Variants in CALD1 observed in about 807,000 individuals in gnomAD.
CALD1 encodes caldesmon.
In CALD1, 33 loss-of-function variants were observed where a neutral mutation model predicts 99.9. The ratio of observed to expected loss-of-function variants is 0.33; its 90% confidence interval spans 0.25 to 0.44. CALD1 has a LOEUF of 0.44. Among genes scored for constraint, CALD1 ranks in the 20% least tolerant of loss-of-function variants. CALD1 has a pLI of 1.00. For missense variants in CALD1, 861 were observed against 962.1 expected (o/e 0.89, Z 1.39); for synonymous variants, 310 against 325.0 (o/e 0.95, Z 0.50).
intron 1 of CALD1, among the ~76,000 whole-genome samples, chr7:134,785,341 T>C (rs567964351): frequency 2.8e-4 from 43 of 152,324 alleles, no homozygotes; most frequent in African/African-American, 1.0e-3. Flanking sequence ...ATATTATTGT[T>C]GGCAAGAAAC....
chr7:134,822,554 T>G (rs539554823), intron 1 of CALD1, among the ~76,000 whole-genome samples: 1 of 152,334 alleles, frequency 6.6e-6, no homozygotes, highest in Admixed American at 6.5e-5. Flanking sequence ...TATGCATTTG[T>G]TAAAAAAATA....
At chr7:134,770,907 C>T (rs1259783186) in intron 1 of CALD1, among the ~76,000 whole-genome samples, 1 of 152,232 alleles carries the variant, frequency 6.6e-6, no homozygotes, top group East Asian at 1.9e-4. Context: ...TCAAGTCCGC[C>T]TACTTAGAGT....
intron 3 of CALD1, among the ~76,000 whole-genome samples, chr7:134,912,672 C>T (rs887113881): frequency 1.3e-5 from 2 of 152,142 alleles, no homozygotes; most frequent in African/African-American, 2.4e-5. Flanking sequence ...CCTATCAAGA[C>T]TATCATATCT....
intron 5 of CALD1, among the ~76,000 whole-genome samples, chr7:134,935,167 G>A (rs1805863681): frequency 6.6e-6 from 1 of 152,028 alleles, no homozygotes; most frequent in Non-Finnish European, 1.5e-5. Flanking sequence ...TAGTAGGGGG[G>A]AAATGTTTGT....
intron 1 of CALD1, among the ~76,000 whole-genome samples, chr7:134,786,230 C>G (rs1797299786): frequency 1.3e-5 from 2 of 152,268 alleles, no homozygotes; most frequent in South Asian, 2.1e-4. Context: ...GCAAGCTACT[C>G]TGAGTAAATA....
chr7:134,759,608 T>C (rs74964067), intron 1 of CALD1, among the ~76,000 whole-genome samples: 1,713 of 152,254 alleles, frequency 0.011, 52 homozygotes, highest in African/African-American at 0.039. Context: ...GAAGGCAGAT[T>C]CGCGAGGGAT....
chr7:134,769,099 A>G (rs1796855197), intron 1 of CALD1, among the ~76,000 whole-genome samples: 1 of 150,792 alleles, frequency 6.6e-6, no homozygotes, highest in African/African-American at 2.4e-5. Context: ...ATATATTTAT[A>G]TAATTAGATA....
rs78429618 is a variant in CALD1, at chr7:134,933,563, C to T, written c.794C>T (p.Ala265Val). ...EKMEEEDKER[A>V]EAERARLEAE... The stretch of plus-strand genomic sequence containing the variant: ...ATGGAAGAGGAAGACAAGGAAAGAG[C>T]TGAGGCAGAGAGGGCAAGGTTGGAA... Residue 265 changes from alanine (A) to valine (V), a missense_variant, in exon 5 of 15, where the codon GCT becomes GTT. Transcript: ENST00000361675. The T allele has an allele frequency of 1.0e-4, 165 of 1,613,526 alleles. 1 individual carries two copies. The East Asian group carries it at 3.4e-3, about 34-fold the overall frequency.
chr7:134,950,899 C>T (rs564610522), intron 9 of CALD1, among the ~76,000 whole-genome samples: 3 of 152,308 alleles, frequency 2.0e-5, no homozygotes, highest in African/African-American at 7.2e-5. Context: ...GCAGAGGTTG[C>T]AGTGAGCTAA....
chr7:134,936,356 G>A (rs958750568), intron 6 of CALD1, among the ~76,000 whole-genome samples: 1 of 152,186 alleles, frequency 6.6e-6, no homozygotes, highest in African/African-American at 2.4e-5. Context: ...AAGTGAACAA[G>A]GAGCTATACA....
intron 2 of CALD1, among the ~76,000 whole-genome samples, chr7:134,859,132 C>A (rs1800450392): frequency 6.6e-6 from 1 of 152,148 alleles, no homozygotes; most frequent in Non-Finnish European, 1.5e-5. Flanking sequence ...AATAGATGGC[C>A]ACTTCTTCTC....
At chr7:134,728,680 T>A in the CALD1 span, among the ~76,000 whole-genome samples, 1 of 152,152 alleles carries the variant, frequency 6.6e-6, no homozygotes, top group East Asian at 1.9e-4. Context: ...AGTATCTGAC[T>A]GGAAAGACCA....
intron 3 of CALD1, chr7:134,920,637 G>C: frequency 7.8e-7 from 1 of 1,289,290 alleles, no homozygotes; most frequent in Non-Finnish European, 1.0e-6. Context: ...TCTCTCAAAT[G>C]ACTTCTTATA....
intron 3 of CALD1, among the ~76,000 whole-genome samples, chr7:134,904,888 AT>A (rs1426056207): frequency 6.6e-6 from 1 of 152,128 alleles, no homozygotes; most frequent in Non-Finnish European, 1.5e-5. Context: ...CTGATGATAA[AT>A]TTCCAAGTAC....
chr7:134,746,000 C>T (rs1585895268), intron 1 of CALD1, among the ~76,000 whole-genome samples: 1 of 152,150 alleles, frequency 6.6e-6, no homozygotes, highest in East Asian at 1.9e-4. Flanking sequence ...GCTATTAGTT[C>T]ATGTTGACTG....
Position 134,949,674 on chromosome 7 carries a change from A to G in CALD1, c.1795-700A>G, listed in dbSNP as rs551552010. On this transcript the variant is annotated intron_variant, in intron 8 of 14. Transcript: ENST00000361675. ...ATTCATTTGTCTTCACAACTCTCCT[A>G]GGATGTAGGTAGAAGGAATATTCAT... Among the ~76,000 whole-genome samples the G allele has an allele frequency of 1.6e-4, 24 of 152,296 alleles. No homozygotes were observed. The South Asian group carries it at 5.0e-3, about 32-fold the overall frequency.
chr7:134,859,195 G>T (rs1800454933), intron 2 of CALD1, among the ~76,000 whole-genome samples: 1 of 152,060 alleles, frequency 6.6e-6, no homozygotes, highest in South Asian at 2.1e-4. Flanking sequence ...CCCATTTTTG[G>T]GTAGTTGCGC....
intron 7 of CALD1, among the ~76,000 whole-genome samples, chr7:134,941,698 T>C (rs1806456310): frequency 2.6e-5 from 4 of 152,212 alleles, no homozygotes; most frequent in South Asian, 2.1e-4. Context: ...TGTGGCGAAA[T>C]ACTTGGGAAA....
intron 13 of CALD1, chr7:134,961,070 T>C (rs1359287327): frequency 2.0e-5 from 3 of 152,578 alleles, no homozygotes; most frequent in African/African-American, 7.2e-5. Flanking sequence ...ATTTGCCTCA[T>C]TTTTATAACT....
Sources: allele counts gnomAD v4.1 joint callset (sites outside exome capture counted in the v4.1 genomes callset), GRCh38; gene constraint gnomAD v4.1.1; transcripts MANE v1.5; gene names NCBI Gene and HGNC (gene_info 2026-07-23, HGNC 2026-07-21).